EPB41: variants seen among roughly 807,000 people sequenced by gnomAD.
The protein encoded by EPB41 is erythrocyte membrane protein band 4.1, also known as protein 4.1.
Under a neutral mutation model 108.0 loss-of-function variants are expected in EPB41, and 65 were observed. That is an observed-to-expected ratio of 0.60 (90% confidence interval 0.49 to 0.74). The LOEUF (loss-of-function observed/expected upper bound fraction) is 0.74. Among genes scored for constraint, EPB41 ranks in the 30% least tolerant of loss-of-function variants. EPB41 has a pLI of 0.00. For missense variants in EPB41, 875 were observed against 1,037.0 expected, an observed-to-expected ratio of 0.84 and a Z score of 2.15; for synonymous variants, 336 against 358.9, an observed-to-expected ratio of 0.94 and a Z score of 0.72.
chr1:29,112,234 C>A, intron 18 of EPB41, 134 bp from the exon 19 acceptor site: 1 of 713,990 alleles, frequency 1.4e-6, no homozygotes, highest in East Asian at 2.7e-5. Context: ...CTCCTGGCCG[C>A]AAGCATTCCT....
chr1:29,088,085 C>T (rs1036169996), intron 16 of EPB41, among the ~76,000 whole-genome samples: 2 of 139,120 alleles, frequency 1.4e-5, no homozygotes, highest in Admixed American at 7.8e-5. Context: ...TCCCTCCTGT[C>T]GCACAAGCTG....
At chr1:28,934,666 TTGTGTGTG>T (rs1204147204) in intron 1 of EPB41, among the ~76,000 whole-genome samples, 10 of 136,400 alleles carry the variant, frequency 7.3e-5, no homozygotes, top group Non-Finnish European at 1.4e-4. Flanking sequence ...TCTTTTGACA[TTGTGTGTG>T]TGTGTGTGTG....
At chr1:28,964,611 A>G (rs2095313231) in intron 1 of EPB41, among the ~76,000 whole-genome samples, 1 of 146,800 alleles carries the variant, frequency 6.8e-6, no homozygotes, top group South Asian at 2.1e-4. Flanking sequence ...TGTCTCAAAT[A>G]AATAAATAAA....
intron 7 of EPB41, among the ~76,000 whole-genome samples, chr1:29,027,521 G>C (rs993047040): frequency 6.6e-6 from 1 of 151,788 alleles, no homozygotes; most frequent in African/African-American, 2.4e-5. Context: ...AGTAGAGATG[G>C]GGTTTCTCCA....
At chr1:28,932,445 AG>A (rs2093796987) in intron 1 of EPB41, among the ~76,000 whole-genome samples, 1 of 148,934 alleles carries the variant, frequency 6.7e-6, no homozygotes, top group Non-Finnish European at 1.5e-5. Flanking sequence ...CTTTTCTTCC[AG>A]GAGCCAAAGC....
intron 17 of EPB41, among the ~76,000 whole-genome samples, chr1:29,106,564 A>AATTTTTTTTTTTTTTTT (rs1233211329): frequency 2.0e-5 from 1 of 50,882 alleles, no homozygotes; most frequent in African/African-American, 8.5e-5. Flanking sequence ...AGTAGCTGGG[A>AATTTTTTTTTTTTTTTT]TTTTTTTTTT....
At chr1:29,037,780 C>T (rs1179873234) in intron 10 of EPB41, among the ~76,000 whole-genome samples, 6 of 152,096 alleles carry the variant, frequency 3.9e-5, no homozygotes, top group Admixed American at 2.0e-4. Flanking sequence ...GTGATCCACT[C>T]GCCTTGGCCT....
intron 1 of EPB41, among the ~76,000 whole-genome samples, chr1:28,985,235 A>G (rs1163075105): frequency 6.6e-6 from 1 of 152,136 alleles, no homozygotes; most frequent in African/African-American, 2.4e-5. Context: ...AAGTGCTGGG[A>G]TTACAGCCGT....
chr1:29,115,613 C>T lies in EPB41; in HGVS notation c.2497-86C>T, dbSNP rs569633298. 1 of 1,160,022 alleles carries T rather than the reference C, an allele frequency of 8.6e-7. No individual in the cohort carries two copies. The highest frequency in any genetic ancestry group is 1.3e-5 in the South Asian group (1 of 79,204). 71.9% of individuals were successfully genotyped at this position (1,160,022 alleles called of 1,614,324 possible). A position where few individuals can be genotyped will look rare whatever the true frequency, so the allele number is the denominator to read the frequency against. ...CTGCAGACAGGAGTATTGGATCTGT[C>T]AGAACATCAGAGAAATGATGACCAC... is the stretch of plus-strand genomic sequence containing the variant. On this transcript the variant is annotated intron_variant, in intron 19 of 20. Transcript: ENST00000343067. This position sits in a 1 kb window ranked among gnomAD's most constrained non-coding sequence, Gnocchi z 4.4.
At chr1:28,996,280 G>A (rs778303393) in intron 3 of EPB41, among the ~76,000 whole-genome samples, 10 of 152,136 alleles carry the variant, frequency 6.6e-5, no homozygotes, top group Non-Finnish European at 1.0e-4. Flanking sequence ...ATTTGGGAAT[G>A]GTTTGACTTT....
chr1:28,959,677 T>G (rs1417086437), intron 1 of EPB41, among the ~76,000 whole-genome samples: 2 of 152,146 alleles, frequency 1.3e-5, no homozygotes, highest in African/African-American at 4.8e-5. Context: ...TAGAAACATA[T>G]AGTTAAATGC....
chr1:28,962,072 T>G (rs976050879), intron 1 of EPB41, among the ~76,000 whole-genome samples: 1 of 152,160 alleles, frequency 6.6e-6, no homozygotes, highest in African/African-American at 2.4e-5. Flanking sequence ...TTTACTTTTT[T>G]TTTTTGAGAT....
At chr1:29,011,637 A>G (rs920461124) in intron 4 of EPB41, among the ~76,000 whole-genome samples, 1 of 152,252 alleles carries the variant, frequency 6.6e-6, no homozygotes, top group African/African-American at 2.4e-5. Context: ...CAGATTTCCT[A>G]AAGTCACTCA....
chr1:29,082,604 A>G (rs1171720870), intron 16 of EPB41, among the ~76,000 whole-genome samples: 4 of 151,860 alleles, frequency 2.6e-5, no homozygotes, highest in African/African-American at 4.8e-5. Flanking sequence ...CTCCACCCCT[A>G]CCCTTCATAG....
At chr1:29,072,868 T>C (rs899289037) in intron 16 of EPB41, 3 of 152,160 alleles carry the variant, frequency 2.0e-5, no homozygotes, top group African/African-American at 7.2e-5. Context: ...CCCAGCACTT[T>C]GGGAGGCTGA....
chr1:29,116,515 A>G (rs1671008172), intron 20 of EPB41, among the ~76,000 whole-genome samples: 1 of 152,192 alleles, frequency 6.6e-6, no homozygotes, highest in South Asian at 2.1e-4. Context: ...CAAGAAGAGC[A>G]GGATCAGGCT....
chr1:28,959,143 G>A (rs2095089106), intron 1 of EPB41, among the ~76,000 whole-genome samples: 2 of 151,882 alleles, frequency 1.3e-5, no homozygotes, highest in African/African-American at 4.8e-5. Flanking sequence ...TCACAGCCAA[G>A]CTGGGGTGCT....
intron 2 of EPB41, chr1:28,989,504 G>C (rs1321958011): frequency 8.8e-5 from 45 of 510,772 alleles, no homozygotes; most frequent in Non-Finnish European, 1.1e-4. Flanking sequence ...TTCTATTATA[G>C]GTCTGAGATT....
chr1:28,960,945 A>G (rs551966344), intron 1 of EPB41, among the ~76,000 whole-genome samples: 6 of 150,330 alleles, frequency 4.0e-5, no homozygotes, highest in Non-Finnish European at 7.4e-5. Context: ...GAGGCAGGAA[A>G]ATCACTTGAA....
Sources: gnomAD v4.1 joint callset for allele counts (sites outside exome capture counted in the v4.1 genomes callset) on GRCh38, gnomAD v4.1.1 for gene constraint, Gnocchi (gnomAD v3.1) non-coding constraint, MANE v1.5 for transcripts, NCBI Gene and HGNC (gene_info 2026-07-23, HGNC 2026-07-21) for gene names.